Variants in CGAS observed in about 807,000 individuals in gnomAD.
CGAS encodes 2'3'-cGAMP synthase.
CGAS carries 31 observed loss-of-function variants against 34.0 expected under a neutral mutation model. The observed-to-expected ratio is 0.91, with a 90% CI of 0.69 to 1.23. The LOEUF (loss-of-function observed/expected upper bound fraction) is 1.23. CGAS is among the 50% of genes most tolerant of loss of function. The pLI is 0.00. For missense variants in CGAS, 597 were observed against 657.6 expected (o/e 0.91, Z 1.01); for synonymous variants, 266 against 260.0 (o/e 1.02, Z -0.22).
chr6:73,429,972 C>T (rs1770166772), intron 3 of CGAS, among the ~76,000 whole-genome samples: 1 of 151,884 alleles, frequency 6.6e-6, no homozygotes, highest in Non-Finnish European at 1.5e-5. Context: ...TATAATCTGT[C>T]ACATTAACAG....
intron 1 of CGAS, among the ~76,000 whole-genome samples, chr6:73,450,241 A>G (rs1465146816): frequency 6.6e-6 from 1 of 151,952 alleles, no homozygotes; most frequent in Non-Finnish European, 1.5e-5. Flanking sequence ...ACATGGAGAA[A>G]GCCCGTCTCT....
chr6:73,434,468 C>A (rs1357458693), intron 3 of CGAS, among the ~76,000 whole-genome samples: 10 of 152,114 alleles, frequency 6.6e-5, no homozygotes, highest in Admixed American at 6.6e-4. Context: ...ATAAAGAAAT[C>A]TCAAGTAAAG....
chr6:73,443,339 A>G (rs1043928472), intron 2 of CGAS, among the ~76,000 whole-genome samples: 2 of 147,634 alleles, frequency 1.4e-5, no homozygotes, highest in East Asian at 4.0e-4. Flanking sequence ...TTCTGGGTTC[A>G]AGAAATTCTC....
Position 73,452,027 on chromosome 6 carries a change from C to T in CGAS, c.155G>A (p.Gly52Asp). 13 of 1,490,696 alleles carry T rather than the reference C, an allele frequency of 8.7e-6. No homozygotes were observed. The highest frequency in any genetic ancestry group is 1.2e-5 in the Non-Finnish European group (13 of 1,118,504). 92.3% of individuals were successfully genotyped at this position (1,490,696 alleles called of 1,614,324 possible). Residue 52 changes from glycine (G) to aspartate (D), a missense_variant, in exon 1 of 5, where the codon GGC becomes GAC. By Grantham distance (94) the Gly-to-Asp change is moderately conservative (BLOSUM62 -1). Around this residue, in one of 3 missense-constraint regions of CGAS, gnomAD observed 321 missense variants for 314.3 expected, o/e 1.02. Transcript: ENST00000370315. Reference sequence around the variant, plus strand: ...CCGGGATCCCGACTTCCTGGCGGGGCCGAACTTTCCCGCCTTAGGCAGGGC... The same window carrying T: ...CCGGGATCCCGACTTCCTGGCGGGGTCGAACTTTCCCGCCTTAGGCAGGGC... Reference protein sequence around the residue: ...EAALPKAGKFGPARKSGSRQK... With the variant: ...EAALPKAGKFDPARKSGSRQK...
At chr6:73,428,341 C>A (rs758688069) in intron 4 of CGAS, among the ~76,000 whole-genome samples, 11 of 152,120 alleles carry the variant, frequency 7.2e-5, no homozygotes, top group Admixed American at 2.6e-4. Flanking sequence ...ACCTTTTGGC[C>A]TCCTCCAATT....
At chr6:73,436,365 TA>T (rs1180723189) in intron 3 of CGAS, among the ~76,000 whole-genome samples, 1 of 149,166 alleles carries the variant, frequency 6.7e-6, no homozygotes, top group East Asian at 1.9e-4. Flanking sequence ...ATATTAAATA[TA>T]AGTATTTATA....
intron 1 of CGAS, among the ~76,000 whole-genome samples, chr6:73,450,097 G>A (rs1052577534): frequency 4.0e-5 from 6 of 149,958 alleles, no homozygotes; most frequent in African/African-American, 1.2e-4. Flanking sequence ...CAGAGAGATA[G>A]AGAGAAGAGA....
rs147941922 is a variant in CGAS, at chr6:73,440,205, A to T, written c.1114+4T>A. On this transcript the variant is annotated splice_donor_region_variant and intron_variant, in intron 3 of 4. Transcript: ENST00000370315. ...CTTTAAGTTAACTTTAATATTTAAAATACCTTGGAAACCATTTCCTTCCTT... is the reference window on the plus strand; with the variant it reads ...CTTTAAGTTAACTTTAATATTTAAATTACCTTGGAAACCATTTCCTTCCTT... 13 of 1,604,398 alleles carry T rather than the reference A, an allele frequency of 8.1e-6. No individual in the cohort carries two copies. The African/African-American group carries it at 1.5e-4, about 18-fold the overall frequency.
At chr6:73,441,270 T>G (rs148062741) in intron 2 of CGAS, among the ~76,000 whole-genome samples, 99 of 151,744 alleles carry the variant, frequency 6.5e-4, no homozygotes, top group Non-Finnish European at 1.3e-3. Flanking sequence ...TCATTACAAA[T>G]TATAGATGGC....
intron 3 of CGAS, among the ~76,000 whole-genome samples, chr6:73,436,942 G>A (rs967937133): frequency 1.3e-5 from 2 of 152,032 alleles, no homozygotes; most frequent in African/African-American, 4.8e-5. Context: ...CCTGAGGTTG[G>A]GAGTTCAAGA....
At chr6:73,447,458 A>G (rs1287224129) in intron 1 of CGAS, among the ~76,000 whole-genome samples, 1 of 151,944 alleles carries the variant, frequency 6.6e-6, no homozygotes, top group African/African-American at 2.4e-5. Context: ...TAATTTTTGT[A>G]GTTTTAGTAG....
intron 4 of CGAS, among the ~76,000 whole-genome samples, chr6:73,426,873 T>C (rs1373490233): frequency 6.6e-6 from 1 of 151,450 alleles, no homozygotes; most frequent in Admixed American, 6.6e-5. Context: ...TTTTTTGAGA[T>C]GGAGTCTCGC....
chr6:73,428,787 G>C lies in CGAS; in HGVS notation c.1139C>G (p.Ser380Cys). Residue 380 changes from serine to cysteine, a missense_variant, in exon 4 of 5, where the codon TCT (serine) becomes TGT (cysteine). This residue lies in a region of CGAS where 271 missense variants were observed against 324.1 expected (regional missense o/e 0.84). Coordinates refer to ENST00000370315, the MANE Select transcript of CGAS (RefSeq NM_138441.3). ...FQEETWRLSF[S>C]HIEKEILNNH... Reference sequence around the variant, plus strand: ...GTTCAAAATTTCCTTTTCGATGTGAGAGAAGGATAGCCGCCATGTTTCTTC... The same window carrying C: ...GTTCAAAATTTCCTTTTCGATGTGACAGAAGGATAGCCGCCATGTTTCTTC... 1 of 1,613,572 alleles carries C rather than the reference G, an allele frequency of 6.2e-7. No homozygotes were observed. Among genetic ancestry groups the C allele is most frequent in the Non-Finnish European group, 8.5e-7 (1 of 1,179,882 alleles).
chr6:73,428,190 C>T (rs192228856), intron 4 of CGAS, among the ~76,000 whole-genome samples: 71 of 151,646 alleles, frequency 4.7e-4, no homozygotes, highest in African/African-American at 1.7e-3. Flanking sequence ...TGCCACTGCA[C>T]TCCAGTCTGG....
rs1770057552 is a variant in CGAS, at chr6:73,424,827, T to C, written c.*400A>G. 6.6e-6 allele frequency: 1 copy of C among 152,236 alleles called. No homozygotes were observed. Among genetic ancestry groups the C allele is most frequent in the South Asian group, 2.1e-4 (1 of 4,836 alleles). 9.4% of individuals were successfully genotyped at this position (152,236 alleles called of 1,614,324 possible). A position where few individuals can be genotyped will look rare whatever the true frequency, so the allele number is the denominator to read the frequency against. ...TTGTTGCTTTTCTAAAAAATTATTT[T>C]AATAATTTCCTAATTTATTTTTCTT... is the stretch of plus-strand genomic sequence containing the variant. On this transcript the variant is annotated 3_prime_UTR_variant, in exon 5 of 5. Transcript: ENST00000370315.
Position 73,440,375 on chromosome 6 carries a change from T to C in CGAS, c.948A>G (p.Ile316Met), listed in dbSNP as rs984054493. 1 of 1,614,204 alleles carries C rather than the reference T, an allele frequency of 6.2e-7. No individual in the cohort carries two copies. The highest frequency in any genetic ancestry group is 8.5e-7 in the Non-Finnish European group (1 of 1,180,042). Reference protein sequence around the residue: ...PAVTLLISEKISVDITLALES... With the variant: ...PAVTLLISEKMSVDITLALES... The stretch of plus-strand genomic sequence containing the variant: ...CCAAAGCCAGGGTTATATCCACAGA[T>C]ATTTTTTCACTAATAAGAAGTGTTA... Residue 316 changes from isoleucine (I) to methionine (M), a missense_variant, in exon 3 of 5, where the codon ATA becomes ATG. This residue lies in a region of CGAS where 271 missense variants were observed against 324.1 expected (regional missense o/e 0.84). Transcript: ENST00000370315.
At chr6:73,436,009 C>T (rs1035782547) in intron 3 of CGAS, among the ~76,000 whole-genome samples, 4 of 151,888 alleles carry the variant, frequency 2.6e-5, no homozygotes, top group Non-Finnish European at 5.9e-5. Context: ...GTTTTAAACC[C>T]ACTTGAAAAC....
Position 73,425,281 on chromosome 6 carries a change from T to G in CGAS, c.1515A>C (p.Thr505=), listed in dbSNP as rs762118113. ...TGTTTCTTTCATATTCAATTTGCTTTGTCAGAAATTCCTTACTTCTTTTGT... is the reference window on the plus strand; with the variant it reads ...TGTTTCTTTCATATTCAATTTGCTTGGTCAGAAATTCCTTACTTCTTTTGT... ...LIDKRSKEFL[T]KQIEYERNNE... is the part of the protein sequence containing the mutation. The change falls in exon 5 of 5, where the codon ACA becomes ACC. Residue 505 remains threonine (T), a synonymous_variant. Coordinates refer to ENST00000370315, the MANE Select transcript of CGAS (RefSeq NM_138441.3). 5.0e-6 allele frequency: 8 copies of G among 1,596,272 alleles called. No individual in the cohort carries two copies. The Admixed American group carries it at 9.2e-5, about 18-fold the overall frequency.
chr6:73,452,059 G>T lies in CGAS; in HGVS notation c.123C>A (p.Pro41=). ...TTCCCGCCTTAGGCAGGGCGGCCTC[G>T]GGGGCAGCCGGAGACTCGGTGGGAT... is the stretch of plus-strand genomic sequence containing the variant. ...PMDPTESPAA[P]EAALPKAGKF... is the part of the protein sequence containing the mutation. The change falls in exon 1 of 5, where the codon CCC becomes CCA. Residue 41 remains proline (P), a synonymous_variant. Coordinates refer to ENST00000370315, the MANE Select transcript of CGAS (RefSeq NM_138441.3). 6.5e-7 allele frequency: 1 copy of T among 1,528,228 alleles called. No individual in the cohort carries two copies. Among genetic ancestry groups the T allele is most frequent in the East Asian group, 2.4e-5 (1 of 41,436 alleles). 94.7% of individuals were successfully genotyped at this position (1,528,228 alleles called of 1,614,324 possible).
Sources: allele counts gnomAD v4.1 joint callset (sites outside exome capture counted in the v4.1 genomes callset), GRCh38; gene constraint gnomAD v4.1.1; regional missense constraint gnomAD v4.1.1; transcripts MANE v1.5; gene names NCBI Gene and HGNC (gene_info 2026-07-23, HGNC 2026-07-21).